Variants in TCF25 observed in about 807,000 individuals in gnomAD.
The protein encoded by TCF25 is TCF25 ribosome quality control complex subunit, also known as ribosome quality control complex subunit TCF25.
TCF25 carries 41 observed loss-of-function variants against 83.1 expected under a neutral mutation model. That is an observed-to-expected ratio of 0.49 (90% confidence interval 0.38 to 0.64). The LOEUF (loss-of-function observed/expected upper bound fraction) is 0.64, where lower values mean the gene tolerates loss of function less well. TCF25 is among the 30% of genes least tolerant of loss of function. The pLI, the probability that TCF25 is intolerant of heterozygous loss-of-function variation, is 0.00. For synonymous variants in TCF25, 458 were observed against 365.0 expected, an observed-to-expected ratio of 1.25 and a Z score of -2.90; for missense variants, 979 against 914.5, an observed-to-expected ratio of 1.07 and a Z score of -0.91.
intron 1 of TCF25, among the ~76,000 whole-genome samples, chr16:89,876,232 C>T (rs1362703333): frequency 6.6e-6 from 1 of 152,096 alleles, no homozygotes; most frequent in African/African-American, 2.4e-5. Flanking sequence ...CAGTGGCACA[C>T]ATCAGTCTTA....
chr16:89,876,723 C>G (rs113272599), intron 1 of TCF25, among the ~76,000 whole-genome samples: 8,363 of 151,806 alleles, frequency 0.055, 551 homozygotes, highest in African/African-American at 0.16. Flanking sequence ...TCAGGAGATC[C>G]AGACCATCCT....
At chr16:89,908,182 CCCG>C in intron 16 of TCF25, among the ~76,000 whole-genome samples, 2 of 141,822 alleles carry the variant, frequency 1.4e-5, no homozygotes, top group Admixed American at 6.9e-5. Context: ...CCTTCCAGCT[CCCG>C]CCTCCCTCCT....
intron 1 of TCF25, among the ~76,000 whole-genome samples, chr16:89,875,513 GTTTTTTTTTTTTT>G (rs1193815042): frequency 7.6e-5 from 5 of 65,954 alleles, no homozygotes; most frequent in South Asian, 6.4e-4. Context: ...CCTGACGTGA[GTTTTTTTTTTTTT>G]TTTTTTTTTT....
chr16:89,874,258 G>C (rs1455010783), intron 1 of TCF25, among the ~76,000 whole-genome samples: 1 of 151,996 alleles, frequency 6.6e-6, no homozygotes, highest in Non-Finnish European at 1.5e-5. Flanking sequence ...GGGATTAAAT[G>C]GGCCTGCGGC....
At chr16:89,878,456 T>TTA in intron 1 of TCF25, 1 of 1,245,464 alleles carries the variant, frequency 8.0e-7, no homozygotes, top group Non-Finnish European at 1.0e-6. Context: ...TTTTTTTTTT[T>TTA]TTAGGAAAAA....
Position 89,904,034 on chromosome 16 carries a change from C to G in TCF25, c.1382-84C>G, listed in dbSNP as rs1313695291. On this transcript the variant is annotated intron_variant, in intron 12 of 17. Transcript: ENST00000263346. ...ACAGCTGTGTCTGTGACAAGGACCT[C>G]GCTGTGTCCCTTACTGCCTTGGGGG... 11 of 1,365,398 alleles carry G rather than the reference C, an allele frequency of 8.1e-6. No homozygotes were observed. The East Asian group carries it at 2.7e-4, about 34-fold the overall frequency. The allele number at this position is 1,365,398 out of a possible 1,614,324, so 84.6% of individuals were successfully genotyped here.
intron 12 of TCF25, 87 bp from the exon 13 acceptor site, chr16:89,904,031 C>T: frequency 7.5e-7 from 1 of 1,334,984 alleles, no homozygotes; most frequent in Admixed American, 2.0e-5. Flanking sequence ...GTGACAAGGA[C>T]CTCGCTGTGT....
intron 1 of TCF25, among the ~76,000 whole-genome samples, chr16:89,881,792 T>C (rs2042627451): frequency 6.6e-6 from 1 of 152,072 alleles, no homozygotes; most frequent in African/African-American, 2.4e-5. Context: ...TCTCGCCTTA[T>C]CACCCAGGCT....
At chr16:89,904,668 C>T (rs1166581509) in intron 13 of TCF25, 6 of 584,378 alleles carry the variant, frequency 1.0e-5, no homozygotes, top group South Asian at 1.8e-5. Flanking sequence ...GCCCTGTGTG[C>T]ACGCAGATGG....
chr16:89,887,661 T>A lies in TCF25; in HGVS notation c.558T>A (p.Asn186Lys). The change falls in exon 5 of 18, where the codon AAT becomes AAA. Residue 186 changes from asparagine (N) to lysine (K), a missense_variant. Physicochemically the swap from Asn to Lys is moderately conservative, Grantham distance 94. Coordinates refer to ENST00000263346, the MANE Select transcript of TCF25 (RefSeq NM_014972.3). ...ATTTTCAATTCCCCAGACACTTGAA[T>A]CCAGACACAGAACTGAAAAGGTATT... ...HVLYVEHRHL[N>K]PDTELKRYFG... 6.3e-7 allele frequency: 1 copy of A among 1,592,622 alleles called. No individual in the cohort carries two copies. The highest frequency in any genetic ancestry group is 8.5e-7 in the Non-Finnish European group (1 of 1,173,220).
intron 1 of TCF25, among the ~76,000 whole-genome samples, chr16:89,882,835 C>T (rs1322663756): frequency 6.6e-6 from 1 of 152,214 alleles, no homozygotes; most frequent in Non-Finnish European, 1.5e-5. Flanking sequence ...GATCCGCCTG[C>T]ATCAACCTCC....
intron 9 of TCF25, among the ~76,000 whole-genome samples, chr16:89,896,549 AT>A (rs869089266): frequency 0.049 from 5,555 of 112,358 alleles, 243 homozygotes; most frequent in African/African-American, 0.19. Context: ...TCAAAACAGC[AT>A]TTTTTTTTTT....
chr16:89,881,956 T>C (rs923443076), intron 1 of TCF25, among the ~76,000 whole-genome samples: 2 of 151,388 alleles, frequency 1.3e-5, no homozygotes, highest in African/African-American at 4.9e-5. Flanking sequence ...GATTTCACCA[T>C]GTTGGTCAGG....
intron 3 of TCF25, among the ~76,000 whole-genome samples, chr16:89,885,294 C>T (rs1050800341): frequency 6.6e-6 from 1 of 152,144 alleles, no homozygotes; most frequent in Non-Finnish European, 1.5e-5. Flanking sequence ...GACTGGTTGG[C>T]GCTCTGCTCT....
intron 1 of TCF25, chr16:89,878,660 A>T (rs1597259153): frequency 9.2e-7 from 1 of 1,085,176 alleles, no homozygotes. Context: ...TTGTTTTTTG[A>T]GACGGAGTCT....
chr16:89,894,275 A>G (rs953075948), intron 7 of TCF25, among the ~76,000 whole-genome samples: 2 of 143,772 alleles, frequency 1.4e-5, no homozygotes, highest in African/African-American at 5.4e-5. Flanking sequence ...AGCCCCAGAC[A>G]GCCCCGGACC....
At chr16:89,896,548 CAT>C (rs1491114766) in intron 9 of TCF25, among the ~76,000 whole-genome samples, 1 of 140,708 alleles carries the variant, frequency 7.1e-6, no homozygotes, top group African/African-American at 2.8e-5. Flanking sequence ...CTCAAAACAG[CAT>C]TTTTTTTTTT....
At chr16:89,910,466 C>G in intron 16 of TCF25, 125 bp from the exon 17 acceptor site, 1 of 911,720 alleles carries the variant, frequency 1.1e-6, no homozygotes, top group African/African-American at 1.6e-5. Flanking sequence ...TGCTGCTGCT[C>G]TGCCCCCTGG....
Position 89,884,579 on chromosome 16 carries a change from T to C in TCF25, c.355-3T>C, listed in dbSNP as rs1216528520. On this transcript the variant is annotated splice_polypyrimidine_tract_variant and splice_region_variant and intron_variant, in intron 2 of 17. Transcript: ENST00000263346. ...ACTGATGAAAATGTGTTTCTATCAT[T>C]AGTCTCATGCAAGTGGCAAACTCCG... 2 of 1,613,434 alleles carry C rather than the reference T, an allele frequency of 1.2e-6. No individual in the cohort carries two copies. The highest frequency in any genetic ancestry group is 1.7e-5 in the Admixed American group (1 of 59,922).
Sources: allele counts gnomAD v4.1 joint callset (sites outside exome capture counted in the v4.1 genomes callset), GRCh38; gene constraint gnomAD v4.1.1; transcripts MANE v1.5; gene names NCBI Gene and HGNC (gene_info 2026-07-23, HGNC 2026-07-21).